Variants in STIM2 observed in about 807,000 individuals in gnomAD.
STIM2 encodes the protein stromal interaction molecule 2.
A neutral mutation model predicts 85.8 loss-of-function variants in STIM2; 31 were observed. That is an observed-to-expected ratio of 0.36 (90% confidence interval 0.27 to 0.49). The LOEUF (loss-of-function observed/expected upper bound fraction) is 0.49, where lower values mean the gene tolerates loss of function less well. Among genes scored for constraint, STIM2 ranks in the 20% least tolerant of loss-of-function variants. The probability of loss-of-function intolerance (pLI) is 0.98; values close to 1 mark genes in which losing one functional copy is unlikely to be tolerated. For missense variants in STIM2, 841 were observed against 927.6 expected, an observed-to-expected ratio of 0.91 and a Z score of 1.21; for synonymous variants, 356 against 331.1, an observed-to-expected ratio of 1.08 and a Z score of -0.82.
In STIM2 at chr4:26,871,572, G is replaced by A. The variant is rs1020162412; in HGVS notation, c.151+10203G>A. Among the ~76,000 whole-genome samples the A allele has an allele frequency of 7.9e-5, 12 of 151,974 alleles. No individual in the cohort carries two copies. The East Asian group carries it at 1.2e-3, about 15-fold the overall frequency. ...TGACTCGATTTGTTCAGTTTGACTC[G>A]GCTTTTCAGTAAGTGCGTAATTTCT... On this transcript the variant is annotated intron_variant, in intron 1 of 11. Coordinates refer to ENST00000467087, the MANE Select transcript of STIM2 (RefSeq NM_020860.4).
At chr4:26,889,717 C>G (rs1286349662) in intron 1 of STIM2, among the ~76,000 whole-genome samples, 5 of 152,108 alleles carry the variant, frequency 3.3e-5, no homozygotes, top group Non-Finnish European at 5.9e-5. Flanking sequence ...TGTTGCTGAG[C>G]CACCTTCCTC....
chr4:26,898,936 G>A (rs1227524342), intron 1 of STIM2, among the ~76,000 whole-genome samples: 1 of 151,284 alleles, frequency 6.6e-6, no homozygotes, highest in Non-Finnish European at 1.5e-5. Flanking sequence ...TTATTCCTCT[G>A]CAAATGACAG....
At chr4:27,019,646 G>C in intron 11 of STIM2, 1 of 402,208 alleles carries the variant, frequency 2.5e-6, no homozygotes, top group South Asian at 2.1e-5. Context: ...TGAACCACCA[G>C]AATCCTTACA....
chr4:26,971,937 CCTTGAAGAGGTCCTT>C (rs1010688720), intron 3 of STIM2, among the ~76,000 whole-genome samples: 1 of 152,084 alleles, frequency 6.6e-6, no homozygotes, highest in African/African-American at 2.4e-5. Flanking sequence ...TTGTAGTTCT[CCTTGAAGAGGTCCTT>C]CCCATCCCTT....
chr4:26,888,656 T>C (rs928407380), intron 1 of STIM2, among the ~76,000 whole-genome samples: 4 of 152,190 alleles, frequency 2.6e-5, no homozygotes, highest in African/African-American at 9.7e-5. Flanking sequence ...GTTGGGGTGA[T>C]CCAAAACTTT....
chr4:26,951,199 C>T (rs1172066567), intron 2 of STIM2, among the ~76,000 whole-genome samples: 4 of 151,948 alleles, frequency 2.6e-5, no homozygotes, highest in East Asian at 1.9e-4. Flanking sequence ...GTTATCTGAG[C>T]GTTACTATAG....
intron 2 of STIM2, among the ~76,000 whole-genome samples, chr4:26,928,176 G>T (rs1725054892): frequency 6.6e-6 from 1 of 152,044 alleles, no homozygotes; most frequent in African/African-American, 2.4e-5. Flanking sequence ...TCTCCTGAGG[G>T]TTGGGCCCTT....
chr4:26,930,958 T>A (rs529117891), intron 2 of STIM2, among the ~76,000 whole-genome samples: 2 of 152,200 alleles, frequency 1.3e-5, no homozygotes, highest in East Asian at 3.9e-4. Flanking sequence ...TGGCTCTGGG[T>A]CTTTCACAGG....
intron 1 of STIM2, among the ~76,000 whole-genome samples, chr4:26,881,995 G>A (rs1353866940): frequency 6.6e-6 from 1 of 152,194 alleles, no homozygotes; most frequent in Non-Finnish European, 1.5e-5. Context: ...CTTTCTGGAA[G>A]GATTGTGTTT....
intron 3 of STIM2, among the ~76,000 whole-genome samples, chr4:26,961,739 C>A (rs1384433785): frequency 2.0e-5 from 3 of 151,802 alleles, no homozygotes; most frequent in African/African-American, 7.3e-5. Flanking sequence ...AGAAGTAGAA[C>A]ATAAATGGTA....
At chr4:26,944,078 A>G (rs1007249662) in intron 2 of STIM2, among the ~76,000 whole-genome samples, 1 of 152,038 alleles carries the variant, frequency 6.6e-6, no homozygotes, top group Non-Finnish European at 1.5e-5. Context: ...GTTTTATTTT[A>G]CTTGTGATTT....
intron 3 of STIM2, among the ~76,000 whole-genome samples, chr4:26,978,193 G>A (rs1727263865): frequency 6.6e-6 from 1 of 150,890 alleles, no homozygotes; most frequent in South Asian, 2.1e-4. Flanking sequence ...AGATAATGTT[G>A]TGAATAATTT....
chr4:26,890,262 G>C (rs1232463972), intron 1 of STIM2, among the ~76,000 whole-genome samples: 1 of 152,168 alleles, frequency 6.6e-6, no homozygotes, highest in Non-Finnish European at 1.5e-5. Context: ...TGGGCTGGGA[G>C]AGAGAAGGGA....
intron 3 of STIM2, among the ~76,000 whole-genome samples, chr4:26,960,915 TTAAC>T (rs926357719): frequency 1.4e-4 from 21 of 151,754 alleles, no homozygotes; most frequent in Non-Finnish European, 2.5e-4. Flanking sequence ...AATACAAAAA[TTAAC>T]TAGGCTTGTT....
At chr4:26,866,989 A>G (rs1722433191) in intron 1 of STIM2, among the ~76,000 whole-genome samples, 7 of 152,152 alleles carry the variant, frequency 4.6e-5, no homozygotes, top group Admixed American at 4.6e-4. Context: ...TGGGGGTGAC[A>G]TGTCCTTTGT....
At position 26,947,751 on chromosome 4, in the gene STIM2, C is replaced by T. The variant is rs150117712; in HGVS notation, c.283-9861C>T. ...CTTTGGCACTGCCCCACGGAAGCCA[C>T]GGCCTCTTCATTCTGTTTCTGTTGT... On this transcript the variant is annotated intron_variant, in intron 2 of 11. Coordinates refer to ENST00000467087, the MANE Select transcript of STIM2 (RefSeq NM_020860.4). Among the ~76,000 whole-genome samples, 901 of 152,254 alleles carry T rather than the reference C, an allele frequency of 5.9e-3. 18 individuals are homozygous for T. Among genetic ancestry groups the T allele is most frequent in the Non-Finnish European group, 6.7e-3 (456 of 68,014 alleles).
intron 3 of STIM2, among the ~76,000 whole-genome samples, chr4:26,994,497 A>G (rs1342705198): frequency 6.6e-6 from 1 of 152,144 alleles, no homozygotes; most frequent in Non-Finnish European, 1.5e-5. Context: ...AGGCAATTAT[A>G]TAAGGAATGG....
chr4:27,006,854 G>A (rs149890657), intron 7 of STIM2, among the ~76,000 whole-genome samples: 195 of 152,316 alleles, frequency 1.3e-3, no homozygotes, highest in Non-Finnish European at 2.0e-3. Context: ...CTCTGCAGAT[G>A]TTCACTTAGC....
intron 3 of STIM2, among the ~76,000 whole-genome samples, chr4:26,966,661 C>T (rs1225134101): frequency 6.6e-6 from 1 of 151,942 alleles, no homozygotes; most frequent in Non-Finnish European, 1.5e-5. Context: ...TGAATATGAC[C>T]TTTGCTCTTT....
Sources: allele counts gnomAD v4.1 joint callset (sites outside exome capture counted in the v4.1 genomes callset), GRCh38; gene constraint gnomAD v4.1.1; transcripts MANE v1.5; gene names NCBI Gene and HGNC (gene_info 2026-07-23, HGNC 2026-07-21).